CHORDC1: variants seen among roughly 807,000 people sequenced by gnomAD.
CHORDC1 encodes the protein cysteine and histidine-rich domain-containing protein 1.
A neutral mutation model predicts 48.3 loss-of-function variants in CHORDC1; 25 were observed. That is an observed-to-expected ratio of 0.52 (90% CI 0.38 to 0.72). CHORDC1 has a LOEUF of 0.72. Among genes scored for constraint, CHORDC1 ranks in the 30% least tolerant of loss-of-function variants. The pLI, the probability that CHORDC1 is intolerant of heterozygous loss-of-function variation, is 0.00. For missense variants in CHORDC1, 317 were observed against 388.7 expected (o/e 0.82, Z 1.55); for synonymous variants, 128 against 126.4 (o/e 1.01, Z -0.09).
At chr11:90,221,363 C>T (rs925245826) in intron 1 of CHORDC1, among the ~76,000 whole-genome samples, 1 of 152,128 alleles carries the variant, frequency 6.6e-6, no homozygotes, top group Non-Finnish European at 1.5e-5. Context: ...ACCGTCATTT[C>T]GCTAAAGTAA....
At chr11:90,217,616 G>C (rs1858047238) in intron 2 of CHORDC1, 1 of 152,274 alleles carries the variant, frequency 6.6e-6, no homozygotes, top group Middle Eastern at 3.4e-3. Context: ...AATGGGTGTA[G>C]AAAATGAAAA....
At chr11:90,209,449 T>G (rs1331902720) in intron 6 of CHORDC1, 1 of 152,224 alleles carries the variant, frequency 6.6e-6, no homozygotes, top group Non-Finnish European at 1.5e-5. Flanking sequence ...TTCTGTACTT[T>G]CAAATTCTAT....
At chr11:90,221,839 C>G (rs552081249) in intron 1 of CHORDC1, among the ~76,000 whole-genome samples, 3 of 152,138 alleles carry the variant, frequency 2.0e-5, no homozygotes, top group South Asian at 2.1e-4. Context: ...ATAAGTATTT[C>G]AAACATCTCA....
chr11:90,206,067 G>A (rs952041306), intron 7 of CHORDC1, 135 bp downstream of exon 7: 3 of 677,130 alleles, frequency 4.4e-6, no homozygotes, highest in African/African-American at 1.8e-5. Context: ...GTTTGTGTAG[G>A]CTATTGTGAA....
chr11:90,221,227 T>C (rs906085872), intron 1 of CHORDC1, among the ~76,000 whole-genome samples: 1 of 152,194 alleles, frequency 6.6e-6, no homozygotes, highest in Non-Finnish European at 1.5e-5. Context: ...GTCAAACCTC[T>C]TCCTAAAAAA....
At chr11:90,203,049 A>C (rs923778512) in intron 9 of CHORDC1, among the ~76,000 whole-genome samples, 174 bp from the exon 10 acceptor site, 1 of 152,164 alleles carries the variant, frequency 6.6e-6, no homozygotes, top group Non-Finnish European at 1.5e-5. Context: ...ACTGGCTTCA[A>C]GTTTCATATT....
intron 1 of CHORDC1, among the ~76,000 whole-genome samples, chr11:90,220,529 A>G (rs1226590999): frequency 6.6e-6 from 1 of 152,220 alleles, no homozygotes; most frequent in Non-Finnish European, 1.5e-5. Flanking sequence ...AACGCAATGT[A>G]TAACAGAGTC....
rs150018528 is a variant in CHORDC1 at position 90,220,416 on chromosome 11, A to T, written c.65-2232T>A. On this transcript the variant is annotated intron_variant, in intron 1 of 10. Transcript: ENST00000320585. ...TTAAGGGCTGAAAAAGGAGGTTGGAAGTAGAAATGGGTATGCAGAAGGACA... is the reference window on the plus strand; with the variant it reads ...TTAAGGGCTGAAAAAGGAGGTTGGATGTAGAAATGGGTATGCAGAAGGACA... 3.9e-5 allele frequency among the ~76,000 whole-genome samples: 6 copies of T among 152,328 alleles called. No homozygotes were observed. The East Asian group carries it at 1.2e-3, about 29-fold the overall frequency.
In CHORDC1 at chr11:90,222,942, A is replaced by G; in HGVS notation, c.13T>C (p.Cys5Arg). 1 of 1,614,056 alleles carries G rather than the reference A, an allele frequency of 6.2e-7. No individual in the cohort carries two copies. The highest frequency in any genetic ancestry group is 8.5e-7 in the Non-Finnish European group (1 of 1,179,940). MALL[C>R]YNRGCGQRFD... Reference sequence around the variant, plus strand: ...CGCTGACCGCAGCCCCGGTTGTAGCACAGCAAGGCCATTTTCTTTTCCCAC... The same window carrying G: ...CGCTGACCGCAGCCCCGGTTGTAGCGCAGCAAGGCCATTTTCTTTTCCCAC... Residue 5 changes from cysteine (C) to arginine (R), a missense_variant, in exon 1 of 11, where the codon TGC (cysteine) becomes CGC (arginine). Physicochemically the swap from Cys to Arg is radical, Grantham distance 180. Coordinates refer to ENST00000320585, the MANE Select transcript of CHORDC1 (RefSeq NM_012124.3).
chr11:90,219,060 G>GT (rs776381632), intron 1 of CHORDC1, among the ~76,000 whole-genome samples: 32 of 151,898 alleles, frequency 2.1e-4, no homozygotes, highest in Non-Finnish European at 3.7e-4. Flanking sequence ...GAGGTCAGGA[G>GT]TACGAGACCA....
chr11:90,210,601 CAAAG>C lies in CHORDC1; in HGVS notation c.434-11_434-8del. On this transcript the variant is annotated splice_polypyrimidine_tract_variant and splice_region_variant and intron_variant, in intron 5 of 10. Transcript: ENST00000320585. ...ATTTCATCATTGTCTTCTTCTGTAA[CAAAG>C]AAAAAAAAATCAAATTAAAAAGTTA... 3 of 1,524,486 alleles carry C rather than the reference CAAAG, an allele frequency of 2.0e-6. No homozygotes were observed. The highest frequency in any genetic ancestry group is 2.7e-6 in the Non-Finnish European group (3 of 1,115,050). 94.4% of individuals were successfully genotyped at this position (1,524,486 alleles called of 1,614,324 possible).
Position 90,203,027 on chromosome 11 carries a change from C to CA in CHORDC1, c.790-153dup, listed in dbSNP as rs1857580069. 2.8e-6 allele frequency: 3 copies of CA among 1,061,114 alleles called. No homozygotes were observed. The East Asian group carries it at 8.1e-5, about 29-fold the overall frequency. 65.7% of individuals were successfully genotyped at this position (1,061,114 alleles called of 1,614,324 possible). On this transcript the variant is annotated intron_variant, in intron 9 of 10. Coordinates refer to ENST00000320585, the MANE Select transcript of CHORDC1 (RefSeq NM_012124.3). ...TGTTTCATATGAGAAAAGCCACTGA[C>CA]AAAAAAGAATAACTGGCTTCAAGTT...
intron 6 of CHORDC1, chr11:90,207,182 A>T (rs1345763412): frequency 6.2e-6 from 1 of 161,852 alleles, no homozygotes; most frequent in Non-Finnish European, 1.4e-5. Flanking sequence ...TGACTTGAAT[A>T]TATTAATTTG....
intron 6 of CHORDC1, chr11:90,209,580 T>C (rs1236507504): frequency 1.3e-5 from 2 of 152,102 alleles, no homozygotes; most frequent in East Asian, 3.9e-4. Context: ...AAAATAAGTA[T>C]ACAAAATAAG....
At chr11:90,208,551 A>G (rs1485723289) in intron 6 of CHORDC1, 1 of 152,240 alleles carries the variant, frequency 6.6e-6, no homozygotes, top group Non-Finnish European at 1.5e-5. Context: ...TAAAAAAACA[A>G]AACTAAAGCT....
rs1857588551 is a variant in CHORDC1 at position 90,203,346 on chromosome 11, G to T, written c.751C>A (p.Leu251Ile). The change falls in exon 9 of 11, where the codon CTT becomes ATT. Residue 251 changes from leucine (L) to isoleucine (I), a missense_variant. Leu to Ile is a conservative substitution (Grantham distance 5, BLOSUM62 2). Coordinates refer to ENST00000320585, the MANE Select transcript of CHORDC1 (RefSeq NM_012124.3). ...VTISVYAKNS[L>I]PELSRVEANS... ...GCTTCTACTCGGCTAAGTTCTGGAAGTGAGTTTTTAGCATATACTGAAATG... is the reference window on the plus strand; with the variant it reads ...GCTTCTACTCGGCTAAGTTCTGGAATTGAGTTTTTAGCATATACTGAAATG... 5 of 1,599,468 alleles carry T rather than the reference G, an allele frequency of 3.1e-6. No homozygotes were observed. Among genetic ancestry groups the T allele is most frequent in the Non-Finnish European group, 4.3e-6 (5 of 1,170,074 alleles).
At chr11:90,205,351 A>C (rs1801372064) in intron 8 of CHORDC1, 109 bp downstream of exon 8, 1 of 765,720 alleles carries the variant, frequency 1.3e-6, no homozygotes, top group Non-Finnish European at 2.2e-6. Context: ...TCTATGGTGC[A>C]AAAAAGAAAA....
intron 4 of CHORDC1, 161 bp from the exon 5 acceptor site, chr11:90,211,479 T>C (rs1415662731): frequency 2.7e-5 from 15 of 552,334 alleles, no homozygotes; most frequent in Non-Finnish European, 3.6e-5. Context: ...ATTGTTACAA[T>C]GTATCTACAT....
intron 6 of CHORDC1, chr11:90,207,837 A>G (rs1857745817): frequency 6.6e-6 from 1 of 151,044 alleles, no homozygotes; most frequent in Non-Finnish European, 1.5e-5. Flanking sequence ...AACTAGCCTC[A>G]CATACTGCTG....
Sources: gnomAD v4.1 joint callset for allele counts (sites outside exome capture counted in the v4.1 genomes callset) on GRCh38, gnomAD v4.1.1 for gene constraint, MANE v1.5 for transcripts, NCBI Gene and HGNC (gene_info 2026-07-23, HGNC 2026-07-21) for gene names.